Variants in NOL4 observed in about 807,000 individuals in gnomAD.
NOL4 encodes the protein nucleolar protein 4, also known as cancer/testis antigen 125.
A neutral mutation model predicts 75.9 loss-of-function variants in NOL4; 17 were observed. That is an observed-to-expected ratio of 0.22 (90% CI 0.15 to 0.34). NOL4 has a LOEUF of 0.34. NOL4 is among the 10% of genes least tolerant of loss of function. The pLI is 1.00. For missense variants in NOL4, 614 were observed against 793.5 expected (o/e 0.77, Z 2.72); for synonymous variants, 292 against 289.9 (o/e 1.01, Z -0.07).
At chr18:34,173,335 A>T (rs2033227236) in intron 1 of NOL4, among the ~76,000 whole-genome samples, 1 of 152,088 alleles carries the variant, frequency 6.6e-6, no homozygotes, top group African/African-American at 2.4e-5. Context: ...AGGTGATTAT[A>T]GTTAACAATA....
intron 10 of NOL4, among the ~76,000 whole-genome samples, chr18:33,874,958 A>C (rs1458324106): frequency 6.6e-6 from 1 of 151,992 alleles, no homozygotes; most frequent in East Asian, 1.9e-4. Flanking sequence ...GAATGTTAAG[A>C]GTTGGGAAAA....
intron 6 of NOL4, among the ~76,000 whole-genome samples, chr18:33,984,105 A>G (rs1440925440): frequency 2.6e-5 from 4 of 151,948 alleles, no homozygotes; most frequent in Non-Finnish European, 4.4e-5. Context: ...GAGAGGGTCA[A>G]AAAAAATGTT....
At chr18:34,141,830 A>T (rs2081179710) in intron 1 of NOL4, among the ~76,000 whole-genome samples, 1 of 152,164 alleles carries the variant, frequency 6.6e-6, no homozygotes, top group South Asian at 2.1e-4. Context: ...AGAATTGACA[A>T]ATGGGATCTA....
chr18:34,024,132 A>G (rs1402808964), intron 5 of NOL4, among the ~76,000 whole-genome samples: 1 of 147,582 alleles, frequency 6.8e-6, no homozygotes, highest in Non-Finnish European at 1.5e-5. Flanking sequence ...TACTTTCAGT[A>G]GCTCAGCATC....
chr18:33,871,350 G>A (rs1396533072), intron 10 of NOL4, among the ~76,000 whole-genome samples: 1 of 151,878 alleles, frequency 6.6e-6, no homozygotes, highest in Non-Finnish European at 1.5e-5. Context: ...ATCAGTACCC[G>A]AGCCCAGGAA....
chr18:33,978,566 C>T (rs1391039283), intron 6 of NOL4, among the ~76,000 whole-genome samples: 1 of 151,988 alleles, frequency 6.6e-6, no homozygotes, highest in Non-Finnish European at 1.5e-5. Flanking sequence ...AGCAAGCACC[C>T]AAGATATTCT....
intron 1 of NOL4, among the ~76,000 whole-genome samples, chr18:34,174,933 G>A (rs2033401847): frequency 6.6e-6 from 1 of 152,066 alleles, no homozygotes; most frequent in Admixed American, 6.6e-5. Flanking sequence ...ATCACTGATG[G>A]ACATTTGGGT....
intron 6 of NOL4, among the ~76,000 whole-genome samples, chr18:33,998,657 T>C (rs899390962): frequency 3.9e-5 from 6 of 152,086 alleles, no homozygotes; most frequent in African/African-American, 1.4e-4. Flanking sequence ...GACAACACTT[T>C]TTAAATATAT....
intron 5 of NOL4, among the ~76,000 whole-genome samples, chr18:34,087,673 T>G (rs1167304552): frequency 6.6e-6 from 1 of 152,086 alleles, no homozygotes; most frequent in East Asian, 1.9e-4. Context: ...TCACATCATT[T>G]ACCCTTGTCC....
chr18:34,041,975 G>T (rs1406524813), intron 5 of NOL4, among the ~76,000 whole-genome samples: 1 of 151,956 alleles, frequency 6.6e-6, no homozygotes, highest in Non-Finnish European at 1.5e-5. Context: ...TCTGTTGCAT[G>T]AAGTTATGCA....
At chr18:34,115,065 G>T (rs1370111692) in intron 2 of NOL4, among the ~76,000 whole-genome samples, 2 of 152,118 alleles carry the variant, frequency 1.3e-5, no homozygotes, top group Admixed American at 6.5e-5. Context: ...CAGAATTTCT[G>T]CTCTAACAAA....
At position 34,071,438 on chromosome 18, in the gene NOL4, G is replaced by GACAGACAC. The variant is rs150543573; in HGVS notation, c.772+22026_772+22027insGTGTCTGT. 4.5e-4 allele frequency among the ~76,000 whole-genome samples: 66 copies of GACAGACAC among 147,802 alleles called. 1 individual carries two copies. Among genetic ancestry groups the GACAGACAC allele is most frequent in the African/African-American group, 9.2e-4 (37 of 40,116 alleles). Reference sequence around the variant, plus strand: ...ACACAAATAGACAGACAGACAGACAGACACACACACACACACACACACACA... The same window carrying GACAGACAC: ...ACACAAATAGACAGACAGACAGACAGACAGACACACACACACACACACACACACACACA... On this transcript the variant is annotated intron_variant, in intron 5 of 10. Coordinates refer to ENST00000261592, the MANE Select transcript of NOL4 (RefSeq NM_003787.5).
At chr18:34,219,657 A>G (rs1256093349) in intron 1 of NOL4, among the ~76,000 whole-genome samples, 2 of 152,270 alleles carry the variant, frequency 1.3e-5, no homozygotes, top group East Asian at 3.8e-4. Context: ...ACCATTTGCT[A>G]TATCGTTTTC....
chr18:34,145,314 T>C (rs1272973878), intron 1 of NOL4, among the ~76,000 whole-genome samples: 1 of 152,036 alleles, frequency 6.6e-6, no homozygotes, highest in African/African-American at 2.4e-5. Flanking sequence ...GTATTATCAA[T>C]CAGATATTCT....
chr18:34,127,120 T>C (rs939004704), intron 2 of NOL4, among the ~76,000 whole-genome samples: 2 of 151,888 alleles, frequency 1.3e-5, no homozygotes, highest in Non-Finnish European at 2.9e-5. Context: ...ATAATATATA[T>C]ACCCTCCAAT....
intron 10 of NOL4, among the ~76,000 whole-genome samples, chr18:33,882,538 T>C (rs1462626665): frequency 6.6e-6 from 1 of 151,242 alleles, no homozygotes; most frequent in Non-Finnish European, 1.5e-5. Context: ...ATGGCAATCA[T>C]TAAAAAGTCA....
intron 10 of NOL4, among the ~76,000 whole-genome samples, chr18:33,880,515 T>C (rs1453500761): frequency 6.6e-6 from 1 of 152,092 alleles, no homozygotes; most frequent in Non-Finnish European, 1.5e-5. Flanking sequence ...GTTCAGAAAA[T>C]TCCTAAAAAT....
chr18:34,115,490 T>G, intron 2 of NOL4, among the ~76,000 whole-genome samples: 1 of 119,412 alleles, frequency 8.4e-6, no homozygotes, highest in Admixed American at 8.6e-5. Context: ...CCCACCCCCC[T>G]CCCCCTTAGC....
In NOL4 at chr18:33,888,447, C is replaced by G. The variant is rs371020074; in HGVS notation, c.1543-5023G>C. ...ATTAGATCCCATTTGTCAATTTTGT[C>G]TTTTGTTGCCATTGCTTTTGGTATT... is the stretch of plus-strand genomic sequence containing the variant. On this transcript the variant is annotated intron_variant, in intron 9 of 10. Coordinates refer to ENST00000261592, the MANE Select transcript of NOL4 (RefSeq NM_003787.5). 4.6e-5 allele frequency among the ~76,000 whole-genome samples: 7 copies of G among 152,210 alleles called. No homozygotes were observed. In the East Asian group the frequency reaches 1.2e-3, roughly 25 times the overall value.
Sources: gnomAD v4.1 joint callset for allele counts (sites outside exome capture counted in the v4.1 genomes callset) on GRCh38, gnomAD v4.1.1 for gene constraint, MANE v1.5 for transcripts, NCBI Gene and HGNC (gene_info 2026-07-23, HGNC 2026-07-21) for gene names.